The following CACNA1E variants were observed in gnomAD, a reference collection of about 807,000 sequenced individuals.
The protein encoded by CACNA1E is calcium voltage-gated channel subunit alpha1 E.
Under a neutral mutation model 259.2 loss-of-function variants are expected in CACNA1E, and 40 were observed. The ratio of observed to expected loss-of-function variants is 0.15; its 90% confidence interval spans 0.12 to 0.20. The LOEUF (loss-of-function observed/expected upper bound fraction) is 0.20, where lower values mean the gene tolerates loss of function less well. Ranked by LOEUF, CACNA1E falls within the 10% of genes least tolerant of loss-of-function variation. CACNA1E has a pLI of 1.00. For synonymous variants in CACNA1E, 1,104 were observed against 1,138.5 expected (o/e 0.97, Z 0.61); for missense variants, 1,874 against 3,040.1 (o/e 0.62, Z 9.02).
chr1:181,496,399 A>T (rs1241942738), intron 1 of CACNA1E, among the ~76,000 whole-genome samples: 1 of 152,212 alleles, frequency 6.6e-6, no homozygotes. Context: ...GATGGATGGC[A>T]TGTAGAAGGA....
At chr1:181,492,462 T>A (rs1349302930) in intron 1 of CACNA1E, among the ~76,000 whole-genome samples, 1 of 152,246 alleles carries the variant, frequency 6.6e-6, no homozygotes. Flanking sequence ...GGTATGTTGT[T>A]CTAGAAATCA....
intron 1 of CACNA1E, among the ~76,000 whole-genome samples, chr1:181,357,454 TC>T (rs1653536873): frequency 6.6e-6 from 1 of 152,212 alleles, no homozygotes; most frequent in Admixed American, 6.5e-5. Context: ...GGACCCTCTG[TC>T]CCCTGTTCTG....
rs1307479264 is a variant in CACNA1E, at chr1:181,798,754, C to T, written c.6862C>T (p.Arg2288Cys). The stretch of plus-strand genomic sequence containing the variant: ...CAACGGGCACTATCGGCGGCGGAGG[C>T]GCGGGGGGCCTGGGCCAGGCATGAT... The part of the protein sequence containing the change: ...MPNGHYRRRR[R>C]GGPGPGMMCG... Residue 2288 changes from arginine (R) to cysteine (C), a missense_variant, in exon 48 of 48, where the codon CGC becomes TGC. Physicochemically the swap from Arg to Cys is radical, Grantham distance 180. Coordinates refer to ENST00000367573, the MANE Select transcript of CACNA1E (RefSeq NM_001205293.3). The surrounding 1 kb of genome is among the most constrained non-coding windows in gnomAD (Gnocchi z 4.2). 5.0e-6 allele frequency: 8 copies of T among 1,602,054 alleles called. No individual in the cohort carries two copies. Among genetic ancestry groups the T allele is most frequent in the Admixed American group, 1.7e-5 (1 of 59,508 alleles).
intron 7 of CACNA1E, among the ~76,000 whole-genome samples, chr1:181,696,739 T>G (rs1412821604): frequency 6.6e-6 from 1 of 152,196 alleles, no homozygotes; most frequent in Non-Finnish European, 1.5e-5. Context: ...AGATGTATTT[T>G]CAGATAAGAA....
chr1:181,642,258 A>C (rs1657857709), intron 6 of CACNA1E, among the ~76,000 whole-genome samples: 1 of 152,160 alleles, frequency 6.6e-6, no homozygotes, highest in Non-Finnish European at 1.5e-5. Flanking sequence ...CCAGCTCTAG[A>C]ATCTGCAAGA....
At position 181,319,071 on chromosome 1, in the gene CACNA1E, T is replaced by A. The variant is rs538835489; in HGVS notation, c.-15+948T>A. Reference sequence around the variant, plus strand: ...TCCTTGCGCAGAGGACTGAGGTCACTTGCTGCAGTCGTGTCTGTGAGTCTG... The same window carrying A: ...TCCTTGCGCAGAGGACTGAGGTCACATGCTGCAGTCGTGTCTGTGAGTCTG... On this transcript the variant is annotated intron_variant, in intron 1 of 11. Transcript: ENST00000524607. Among the ~76,000 whole-genome samples, 270 of 152,324 alleles carry A rather than the reference T, an allele frequency of 1.8e-3. 1 individual carries two copies. The highest frequency in any genetic ancestry group is 6.4e-3 in the African/African-American group (266 of 41,586).
In CACNA1E at chr1:181,732,673, C is replaced by G. The variant is rs1329166095; in HGVS notation, c.2587C>G (p.Arg863Gly). The G allele has an allele frequency of 3.3e-6, 5 of 1,522,698 alleles. No individual in the cohort carries two copies. The highest frequency in any genetic ancestry group is 4.4e-6 in the Non-Finnish European group (5 of 1,137,368). 94.3% of individuals were successfully genotyped at this position (1,522,698 alleles called of 1,614,324 possible). A position where few individuals can be genotyped will look rare whatever the true frequency, so the allele number is the denominator to read the frequency against. ...GTCCCTCAAGGGGGATGGAGGGGACCGATCCAGTGCCCTGGACAACCAGAG... is the reference window on the plus strand; with the variant it reads ...GTCCCTCAAGGGGGATGGAGGGGACGGATCCAGTGCCCTGGACAACCAGAG... ...GGSLKGDGGD[R>G]SSALDNQRTP... The change falls in exon 20 of 48, where the codon CGA (arginine) becomes GGA (glycine). Residue 863 changes from arginine (R) to glycine (G), a missense_variant. Arg to Gly is a moderately radical substitution (Grantham distance 125, BLOSUM62 -2). Around this residue, in one of 14 missense-constraint regions of CACNA1E, gnomAD observed 476 missense variants for 514.0 expected, o/e 0.93. Transcript: ENST00000367573. This position sits in a 1 kb window ranked among gnomAD's most constrained non-coding sequence, Gnocchi z 5.5.
intron 30 of CACNA1E, among the ~76,000 whole-genome samples, chr1:181,757,532 A>T (rs1658192905): frequency 6.6e-6 from 1 of 152,166 alleles, no homozygotes; most frequent in African/African-American, 2.4e-5. Context: ...CTGTTTTTGA[A>T]ATTTCTTTAT....
intron 3 of CACNA1E, among the ~76,000 whole-genome samples, chr1:181,543,481 G>A (rs1572156349): frequency 6.6e-6 from 1 of 152,320 alleles, no homozygotes; most frequent in East Asian, 1.9e-4. Context: ...GAGCTAATTA[G>A]TTCATAAGGG....
intron 1 of CACNA1E, among the ~76,000 whole-genome samples, chr1:181,404,808 G>A (rs1419010505): frequency 6.6e-6 from 1 of 152,236 alleles, no homozygotes; most frequent in Non-Finnish European, 1.5e-5. Context: ...ACCAGAAGGG[G>A]CCAGGCCTGG....
chr1:181,527,637 T>C (rs190932755), intron 3 of CACNA1E, among the ~76,000 whole-genome samples: 1 of 152,350 alleles, frequency 6.6e-6, no homozygotes, highest in African/African-American at 2.4e-5. Context: ...TCTTTTTCTC[T>C]CTGTATTCTT....
intron 7 of CACNA1E, among the ~76,000 whole-genome samples, chr1:181,669,980 A>T (rs141056164): frequency 1.3e-5 from 2 of 152,290 alleles, no homozygotes; most frequent in East Asian, 3.9e-4. Context: ...TCTCCCCATG[A>T]TAATTTATCT....
At chr1:181,782,137 G>A (rs1333094781) in intron 39 of CACNA1E, among the ~76,000 whole-genome samples, 1 of 152,232 alleles carries the variant, frequency 6.6e-6, no homozygotes, top group Non-Finnish European at 1.5e-5. Context: ...GAGGAATGCA[G>A]CTCTATTCCA....
chr1:181,660,537 C>T (rs1183193898), intron 7 of CACNA1E, among the ~76,000 whole-genome samples: 1 of 152,120 alleles, frequency 6.6e-6, no homozygotes, highest in Non-Finnish European at 1.5e-5. Flanking sequence ...ATGAATAAGA[C>T]CTAGGTCTTG....
intron 41 of CACNA1E, 71 bp downstream of exon 41, chr1:181,784,839 C>A (rs915118461): frequency 2.3e-6 from 2 of 881,548 alleles, no homozygotes; most frequent in Non-Finnish European, 3.6e-6. Flanking sequence ...TTGGGGGGAA[C>A]CCAGAGTGAT....
At chr1:181,348,766 G>A (rs909106606) in intron 1 of CACNA1E, among the ~76,000 whole-genome samples, 1 of 152,168 alleles carries the variant, frequency 6.6e-6, no homozygotes, top group Non-Finnish European at 1.5e-5. Context: ...CTGCTCTACT[G>A]GGCATCTGTG....
chr1:181,361,848 G>A (rs1653907084), intron 1 of CACNA1E, among the ~76,000 whole-genome samples: 1 of 152,156 alleles, frequency 6.6e-6, no homozygotes, highest in Non-Finnish European at 1.5e-5. Context: ...TCTATAAATG[G>A]TGGTATGATT....
intron 2 of CACNA1E, among the ~76,000 whole-genome samples, chr1:181,472,233 G>A (rs1311229571): frequency 6.6e-6 from 1 of 151,344 alleles, no homozygotes; most frequent in Non-Finnish European, 1.5e-5. Flanking sequence ...GTGGGGACTG[G>A]AGGAGGAAGT....
intron 18 of CACNA1E, among the ~76,000 whole-genome samples, chr1:181,727,720 A>G (rs1655041846): frequency 6.6e-6 from 1 of 152,092 alleles, no homozygotes; most frequent in South Asian, 2.1e-4. Flanking sequence ...CTGCATGAGG[A>G]CTGTGTGAGT....
Sources: allele counts gnomAD v4.1 joint callset (sites outside exome capture counted in the v4.1 genomes callset), GRCh38; gene constraint gnomAD v4.1.1; regional missense constraint gnomAD v4.1.1; non-coding constraint Gnocchi (gnomAD v3.1); transcripts MANE v1.5; gene names NCBI Gene and HGNC (gene_info 2026-07-23, HGNC 2026-07-21).